Variants in KLHL6 observed in about 807,000 individuals in gnomAD.
KLHL6 encodes the protein kelch like family member 6.
KLHL6 carries 41 observed loss-of-function variants against 58.6 expected under a neutral mutation model. That is an observed-to-expected ratio of 0.70 (90% CI 0.55 to 0.91). The LOEUF (loss-of-function observed/expected upper bound fraction) is 0.91, where lower values mean the gene tolerates loss of function less well. Among genes scored for constraint, KLHL6 ranks in the 40% least tolerant of loss-of-function variants. The pLI is 0.00. For synonymous variants in KLHL6, 338 were observed against 322.7 expected (o/e 1.05, Z -0.51); for missense variants, 714 against 805.6 (o/e 0.89, Z 1.38).
intron 1 of KLHL6, among the ~76,000 whole-genome samples, chr3:183,538,895 CT>C (rs1712450921): frequency 6.6e-6 from 1 of 152,186 alleles, no homozygotes; most frequent in Non-Finnish European, 1.5e-5. Flanking sequence ...CATCCTTGGC[CT>C]CAGATACTCC....
intron 2 of KLHL6, among the ~76,000 whole-genome samples, chr3:183,518,529 T>C (rs1374255599): frequency 6.6e-6 from 1 of 152,194 alleles, no homozygotes; most frequent in African/African-American, 2.4e-5. Flanking sequence ...GGTAGCGATA[T>C]GGATTTTCAT....
Position 183,508,110 on chromosome 3 carries a change from C to T in KLHL6, c.858G>A (p.Glu286=), listed in dbSNP as rs1479060081. The T allele has an allele frequency of 2.5e-6, 4 of 1,614,064 alleles. No homozygotes were observed. Among genetic ancestry groups the T allele is most frequent in the Admixed American group, 1.7e-5 (1 of 60,000 alleles). Reference sequence around the variant, plus strand: ...TGGCTTCCTGGAGCAGCGGGAAGACCTCTGGGCACTGCCTGATGAGAGGAT... The same window carrying T: ...TGGCTTCCTGGAGCAGCGGGAAGACTTCTGGGCACTGCCTGATGAGAGGAT... ...EADPLIRQCP[E]VFPLLQEARM... is the part of the protein sequence containing the mutation. Residue 286 remains glutamate, a synonymous_variant, in exon 3 of 7, where the codon GAG becomes GAA. Transcript: ENST00000341319.
rs1717579263 is a variant in KLHL6, at chr3:183,492,149, C to CCGCT, written c.1640_1643dup (p.Ser550GlyfsTer150). ...TGCAGGGCGCGATACCGCAGCTGGCCCGCTCGTGGCTGAGCTGGGTCACCA... is the reference window on the plus strand; with the variant it reads ...TGCAGGGCGCGATACCGCAGCTGGCCCGCTCGCTCGTGGCTGAGCTGGGTCACCA... On this transcript the variant is annotated frameshift_variant, in exon 7 of 7. Coordinates refer to ENST00000341319, the MANE Select transcript of KLHL6 (RefSeq NM_130446.4). LOFTEE classifies it high-confidence loss of function. This position sits in a 1 kb window ranked among gnomAD's most constrained non-coding sequence, Gnocchi z 5.9. 1 of 1,613,432 alleles carries CCGCT rather than the reference C, an allele frequency of 6.2e-7. No homozygotes were observed. The highest frequency in any genetic ancestry group is 1.3e-5 in the African/African-American group (1 of 74,942).
intron 1 of KLHL6, among the ~76,000 whole-genome samples, chr3:183,541,668 T>A (rs1712556149): frequency 6.6e-6 from 1 of 151,968 alleles, no homozygotes; most frequent in South Asian, 2.1e-4. Flanking sequence ...AGCAAGCCTC[T>A]AAAAAACACA....
chr3:183,549,756 C>T (rs1454547862), intron 1 of KLHL6, among the ~76,000 whole-genome samples: 1 of 152,102 alleles, frequency 6.6e-6, no homozygotes, highest in African/African-American at 2.4e-5. Context: ...CAAAGACTAC[C>T]AGATATTTAA....
chr3:183,549,175 T>TA lies in KLHL6; in HGVS notation c.293+6185dup, dbSNP rs1204670246. ...CTTAAAGTAAAATTTAAACAAATTT[T>TA]AAAAAAGAGAATAAGTGCCAAGAAA... On this transcript the variant is annotated intron_variant, in intron 1 of 6. Transcript: ENST00000341319. Among the ~76,000 whole-genome samples, 3 of 148,414 alleles carry TA rather than the reference T, an allele frequency of 2.0e-5. No individual in the cohort carries two copies. In the East Asian group the frequency reaches 5.8e-4, roughly 29 times the overall value.
At chr3:183,493,207 G>T in intron 5 of KLHL6, 1 of 173,664 alleles carries the variant, frequency 5.8e-6, no homozygotes, top group Non-Finnish European at 1.2e-5. Flanking sequence ...GATTAAGTCA[G>T]ACGTGTGCTT....
intron 1 of KLHL6, among the ~76,000 whole-genome samples, chr3:183,531,452 T>TG (rs1560105903): frequency 2.5e-4 from 33 of 134,422 alleles, no homozygotes; most frequent in African/African-American, 9.5e-4. Context: ...TGTTTTTTTT[T>TG]TTTTTTTTTT....
At chr3:183,513,114 G>GA (rs757232872) in intron 2 of KLHL6, among the ~76,000 whole-genome samples, 2 of 152,094 alleles carry the variant, frequency 1.3e-5, no homozygotes, top group Admixed American at 6.5e-5. Flanking sequence ...ATAAACTCAG[G>GA]AAAAAATACG....
intron 1 of KLHL6, among the ~76,000 whole-genome samples, chr3:183,551,558 A>G (rs1465565731): frequency 6.6e-6 from 1 of 152,256 alleles, no homozygotes; most frequent in Non-Finnish European, 1.5e-5. Flanking sequence ...CGTGAACATA[A>G]TAATGTAAAC....
chr3:183,499,438 C>T lies in KLHL6; in HGVS notation c.1147+152G>A. 5.0e-6 allele frequency: 3 copies of T among 598,558 alleles called. No individual in the cohort carries two copies. The highest frequency in any genetic ancestry group is 8.9e-6 in the Non-Finnish European group (3 of 335,534). The allele number at this position is 598,558 out of a possible 1,614,324, so 37.1% of individuals were successfully genotyped here. On this transcript the variant is annotated intron_variant, in intron 4 of 6. Transcript: ENST00000341319. This position sits in a 1 kb window ranked among gnomAD's most constrained non-coding sequence, Gnocchi z 4.6. ...TAGCAATGTACTCTCCAAGATAAGA[C>T]CACCTGAGCTCCTGGGTCCATATCC...
chr3:183,508,245 G>C lies in KLHL6; in HGVS notation c.723C>G (p.Ser241Arg), dbSNP rs753278135. 2.5e-6 allele frequency: 4 copies of C among 1,613,882 alleles called. No homozygotes were observed. Among genetic ancestry groups the C allele is most frequent in the Non-Finnish European group, 2.5e-6 (3 of 1,180,036 alleles). ...EEAQVFETVM[S>R]WVRHKPSERL... The stretch of plus-strand genomic sequence containing the variant: ...GTTCTGATGGCTTGTGCCGGACCCA[G>C]CTCATCACGGTCTCAAACACCTGAG... The change falls in exon 3 of 7, where the codon AGC becomes AGG. Residue 241 changes from serine to arginine, a missense_variant. Ser to Arg is a moderately radical substitution (Grantham distance 110, BLOSUM62 -1). Transcript: ENST00000341319.
chr3:183,521,974 C>T (rs368934199), intron 2 of KLHL6, among the ~76,000 whole-genome samples: 3 of 148,806 alleles, frequency 2.0e-5, no homozygotes, highest in Non-Finnish European at 3.0e-5. Flanking sequence ...GGATTACAGG[C>T]GTGAGCCACC....
chr3:183,518,826 C>T (rs1711642321), intron 2 of KLHL6, among the ~76,000 whole-genome samples: 1 of 152,092 alleles, frequency 6.6e-6, no homozygotes, highest in African/African-American at 2.4e-5. Flanking sequence ...GATGACAAAG[C>T]AAGAGTCAGC....
chr3:183,503,256 C>A (rs1717918630), intron 3 of KLHL6, among the ~76,000 whole-genome samples: 1 of 152,244 alleles, frequency 6.6e-6, no homozygotes, highest in Non-Finnish European at 1.5e-5. Flanking sequence ...AGCCTCTGCT[C>A]CCCTTTCCCC....
chr3:183,516,157 G>T (rs1261553834), intron 2 of KLHL6, among the ~76,000 whole-genome samples: 1 of 152,130 alleles, frequency 6.6e-6, no homozygotes, highest in Non-Finnish European at 1.5e-5. Context: ...AGGCAGGTGG[G>T]GGATCTCCAA....
At chr3:183,552,359 G>A (rs1712948920) in intron 1 of KLHL6, 1 of 151,972 alleles carries the variant, frequency 6.6e-6, no homozygotes, top group South Asian at 2.1e-4. Flanking sequence ...GTGAATAAAG[G>A]AAAAAAATGA....
In KLHL6 at chr3:183,522,651, G is replaced by A. The variant is rs550687383; in HGVS notation, c.459+5194C>T. The A allele has an allele frequency of 6.7e-4, 102 of 152,286 alleles. 1 individual carries two copies. Among genetic ancestry groups the A allele is most frequent in the African/African-American group, 2.4e-3 (100 of 41,566 alleles). 9.4% of individuals were successfully genotyped at this position (152,286 alleles called of 1,614,324 possible). On this transcript the variant is annotated intron_variant, in intron 2 of 6. Coordinates refer to ENST00000341319, the MANE Select transcript of KLHL6 (RefSeq NM_130446.4). ...ATAGTAGGTGCCTGGCACTTCATCAGGCACCTATAAAATGAAGCAATTATT... is the reference window on the plus strand; with the variant it reads ...ATAGTAGGTGCCTGGCACTTCATCAAGCACCTATAAAATGAAGCAATTATT...
At chr3:183,551,828 C>T (rs968792365) in intron 1 of KLHL6, among the ~76,000 whole-genome samples, 21 of 151,878 alleles carry the variant, frequency 1.4e-4, no homozygotes, top group African/African-American at 4.8e-4. Flanking sequence ...TCATTATAAG[C>T]CTTTAAATAC....
Sources: allele counts gnomAD v4.1 joint callset (sites outside exome capture counted in the v4.1 genomes callset), GRCh38; gene constraint gnomAD v4.1.1; non-coding constraint Gnocchi (gnomAD v3.1); transcripts MANE v1.5; gene names NCBI Gene and HGNC (gene_info 2026-07-23, HGNC 2026-07-21).